TMEM117: variants seen among roughly 807,000 people sequenced by gnomAD.
TMEM117 encodes the protein transmembrane protein 117.
TMEM117 carries 27 observed loss-of-function variants against 52.4 expected under a neutral mutation model. The observed-to-expected ratio is 0.51, with a 90% CI of 0.38 to 0.71. The LOEUF is 0.71. TMEM117 is among the 30% of genes least tolerant of loss of function. The pLI is 0.00. For missense variants in TMEM117, 556 were observed against 630.5 expected, an observed-to-expected ratio of 0.88 and a Z score of 1.26; for synonymous variants, 215 against 206.3, an observed-to-expected ratio of 1.04 and a Z score of -0.36.
At chr12:44,346,594 C>T (rs1951490606) in intron 6 of TMEM117, among the ~76,000 whole-genome samples, 1 of 152,048 alleles carries the variant, frequency 6.6e-6, no homozygotes, top group African/African-American at 2.4e-5. Flanking sequence ...CTGTGCGATC[C>T]CATGGTATAG....
intron 5 of TMEM117, among the ~76,000 whole-genome samples, chr12:44,281,201 C>T (rs1950572898): frequency 1.3e-5 from 2 of 152,166 alleles, no homozygotes; most frequent in African/African-American, 2.4e-5. Flanking sequence ...CATGACATTA[C>T]ATCCTTTAAA....
chr12:44,094,446 C>T lies in TMEM117; in HGVS notation c.411-49079C>T, dbSNP rs187303504. Among the ~76,000 whole-genome samples, 284 of 152,118 alleles carry T rather than the reference C, an allele frequency of 1.9e-3. 3 individuals are homozygous for T. The highest frequency in any genetic ancestry group is 2.8e-3 in the Non-Finnish European group (193 of 67,974). On this transcript the variant is annotated intron_variant, in intron 3 of 7. Transcript: ENST00000266534. ...TTGCATTTATTAATAGTAATGGTTCCTAAATTTTTATTTTGGCTGGCTTTC... is the reference window on the plus strand; with the variant it reads ...TTGCATTTATTAATAGTAATGGTTCTTAAATTTTTATTTTGGCTGGCTTTC...
chr12:43,818,823 T>C, the TMEM117 span, among the ~76,000 whole-genome samples: 1 of 152,134 alleles, frequency 6.6e-6, no homozygotes, highest in African/African-American at 2.4e-5. Context: ...TTTAATGGAG[T>C]CAGAAATAGA....
At chr12:44,020,281 A>G (rs1317276987) in intron 3 of TMEM117, among the ~76,000 whole-genome samples, 2 of 152,146 alleles carry the variant, frequency 1.3e-5, no homozygotes, top group East Asian at 3.8e-4. Context: ...TTTTTACTAT[A>G]TGGAGCCCTA....
intron 2 of TMEM117, among the ~76,000 whole-genome samples, chr12:43,882,080 C>A (rs1195337216): frequency 6.6e-6 from 1 of 151,570 alleles, no homozygotes; most frequent in Non-Finnish European, 1.5e-5. Context: ...TCAAAAAAAA[C>A]AAACAAACTA....
At chr12:44,265,997 A>G (rs904342915) in intron 5 of TMEM117, among the ~76,000 whole-genome samples, 3 of 152,126 alleles carry the variant, frequency 2.0e-5, no homozygotes, top group African/African-American at 4.8e-5. Context: ...CCCATTCATG[A>G]CTTGATAGAT....
At position 43,871,032 on chromosome 12, in the gene TMEM117, G is replaced by A. The variant is rs551721365; in HGVS notation, c.277+26104G>A. 3.9e-5 allele frequency among the ~76,000 whole-genome samples: 6 copies of A among 151,936 alleles called. No individual in the cohort carries two copies. The South Asian group carries it at 8.3e-4, about 21-fold the overall frequency. ...ACTCCTGACCTCAGGCGATCCACCC[G>A]CCTTGGCCTGTCATAGTGCTGGGAT... On this transcript the variant is annotated intron_variant, in intron 2 of 7. Coordinates refer to ENST00000266534, the MANE Select transcript of TMEM117 (RefSeq NM_032256.3).
At chr12:43,855,169 C>T (rs893636871) in intron 2 of TMEM117, among the ~76,000 whole-genome samples, 12 of 152,034 alleles carry the variant, frequency 7.9e-5, no homozygotes, top group African/African-American at 2.9e-4. Flanking sequence ...TCAGGTTTTG[C>T]GAATAAATTA....
intron 6 of TMEM117, among the ~76,000 whole-genome samples, chr12:44,327,539 G>T (rs1286452681): frequency 6.6e-6 from 1 of 152,150 alleles, no homozygotes; most frequent in African/African-American, 2.4e-5. Flanking sequence ...TAAAGTGCCT[G>T]CATGTTTTTG....
chr12:43,796,815 A>C, the TMEM117 span, among the ~76,000 whole-genome samples: 1 of 152,126 alleles, frequency 6.6e-6, no homozygotes, highest in Non-Finnish European at 1.5e-5. Context: ...GATGGGGATC[A>C]TGACAGGTAG....
intron 3 of TMEM117, among the ~76,000 whole-genome samples, chr12:43,977,420 G>C (rs1945689904): frequency 6.6e-6 from 1 of 152,120 alleles, no homozygotes; most frequent in Non-Finnish European, 1.5e-5. Flanking sequence ...AGGACCTGAG[G>C]GGGTATGAAC....
At chr12:44,104,798 C>G (rs988108160) in intron 3 of TMEM117, among the ~76,000 whole-genome samples, 2 of 151,984 alleles carry the variant, frequency 1.3e-5, no homozygotes, top group Non-Finnish European at 2.9e-5. Flanking sequence ...TAACATTTCA[C>G]TCCACTATCT....
chr12:44,114,450 A>T (rs1948099119), intron 3 of TMEM117, among the ~76,000 whole-genome samples: 1 of 152,056 alleles, frequency 6.6e-6, no homozygotes, highest in Non-Finnish European at 1.5e-5. Flanking sequence ...AAATGGTAAA[A>T]CTCAGGAGTA....
rs1948871998 is a variant in TMEM117 at position 44,159,563 on chromosome 12, C to T, written c.510+15939C>T. Reference sequence around the variant, plus strand: ...CATTTTTTTTCCTAAACAGTGTGTCCATAATTTCTAATGAAGGCTTTGCCC... The same window carrying T: ...CATTTTTTTTCCTAAACAGTGTGTCTATAATTTCTAATGAAGGCTTTGCCC... On this transcript the variant is annotated intron_variant, in intron 4 of 7. Coordinates refer to ENST00000266534, the MANE Select transcript of TMEM117 (RefSeq NM_032256.3). 2.0e-5 allele frequency among the ~76,000 whole-genome samples: 3 copies of T among 152,132 alleles called. No individual in the cohort carries two copies. In the South Asian group the frequency reaches 6.2e-4, roughly 32 times the overall value.
chr12:44,053,385 G>A lies in TMEM117; in HGVS notation c.411-90140G>A, dbSNP rs76514492. Reference sequence around the variant, plus strand: ...GCAGCAAGGTCTGGAGGGGTCCTGGGTACAGAGCTTCTGTGCCCTCTCCAA... The same window carrying A: ...GCAGCAAGGTCTGGAGGGGTCCTGGATACAGAGCTTCTGTGCCCTCTCCAA... On this transcript the variant is annotated intron_variant, in intron 3 of 7. Transcript: ENST00000266534. Among the ~76,000 whole-genome samples the A allele has an allele frequency of 1.5e-3, 234 of 152,262 alleles. 4 individuals are homozygous for A. The East Asian group carries it at 0.037, about 24-fold the overall frequency.
intron 5 of TMEM117, among the ~76,000 whole-genome samples, chr12:44,214,138 ATTTTTTTTTTTT>A (rs773352634): frequency 4.1e-4 from 41 of 99,224 alleles, no homozygotes; most frequent in Non-Finnish European, 7.2e-4. Context: ...TTTTTTTTTA[ATTTTTTTTTTTT>A]TTTTTTTTTT....
chr12:43,836,638 T>G (rs558527506), intron 1 of TMEM117, among the ~76,000 whole-genome samples: 19 of 152,182 alleles, frequency 1.2e-4, no homozygotes, highest in Non-Finnish European at 1.9e-4. Flanking sequence ...TTCGTAGGTG[T>G]TGTTCTTGGG....
At chr12:44,314,618 G>A (rs1951032157) in intron 6 of TMEM117, among the ~76,000 whole-genome samples, 1 of 148,682 alleles carries the variant, frequency 6.7e-6, no homozygotes, top group Non-Finnish European at 1.5e-5. Flanking sequence ...CAAGGTTGGA[G>A]TGCAGTGGCG....
chr12:43,871,981 C>G (rs542940135), intron 2 of TMEM117, among the ~76,000 whole-genome samples: 1 of 152,228 alleles, frequency 6.6e-6, no homozygotes, highest in Admixed American at 6.5e-5. Flanking sequence ...GCAGCTTTGA[C>G]CCCCTGGGTT....
Sources: allele counts gnomAD v4.1 joint callset (sites outside exome capture counted in the v4.1 genomes callset), GRCh38; gene constraint gnomAD v4.1.1; transcripts MANE v1.5; gene names NCBI Gene and HGNC (gene_info 2026-07-23, HGNC 2026-07-21).